PKD1L1: variants seen among roughly 807,000 people sequenced by gnomAD.
The protein encoded by PKD1L1 is polycystin-1-like protein 1.
In PKD1L1, 236 loss-of-function variants were observed where a neutral mutation model predicts 323.4. That is an observed-to-expected ratio of 0.73 (90% CI 0.66 to 0.81). PKD1L1 has a LOEUF of 0.81. PKD1L1 is among the 40% of genes least tolerant of loss of function. The pLI is 0.00. For synonymous variants in PKD1L1, 1,344 were observed against 1,335.0 expected (o/e 1.01, Z -0.15); for missense variants, 3,320 against 3,508.0 (o/e 0.95, Z 1.35).
intron 56 of PKD1L1, among the ~76,000 whole-genome samples, chr7:47,790,148 C>A (rs139883520): frequency 1.3e-5 from 2 of 151,844 alleles, no homozygotes; most frequent in African/African-American, 4.8e-5. Flanking sequence ...CTAGGCCTCC[C>A]GAAGTGCTAT....
rs1583605034 is a variant in PKD1L1, at chr7:47,833,016, T to A, written c.6337+74A>T. On this transcript the variant is annotated intron_variant, in intron 41 of 56. Transcript: ENST00000289672. ...CATTTGGCCCAATTGTGACTCTGCT[T>A]GCCCTGCCTCTCCCAATGGCTGCAG... 1.1e-5 allele frequency: 17 copies of A among 1,507,042 alleles called. No homozygotes were observed. The East Asian group carries it at 1.9e-4, about 17-fold the overall frequency. 93.4% of individuals were successfully genotyped at this position (1,507,042 alleles called of 1,614,324 possible). A position where few individuals can be genotyped will look rare whatever the true frequency, so the allele number is the denominator to read the frequency against.
chr7:47,808,575 C>T (rs568524448), intron 51 of PKD1L1, among the ~76,000 whole-genome samples, 188 bp from the exon 52 acceptor site: 7 of 152,298 alleles, frequency 4.6e-5, no homozygotes, highest in African/African-American at 7.2e-5. Context: ...CAAACATAGA[C>T]AGTCCCACAC....
Position 47,872,810 on chromosome 7 carries a change from T to C in PKD1L1, c.3896+1089A>G, listed in dbSNP as rs189388665. Among the ~76,000 whole-genome samples, 246 of 152,344 alleles carry C rather than the reference T, an allele frequency of 1.6e-3. 1 individual carries two copies. The highest frequency in any genetic ancestry group is 3.1e-3 in the Non-Finnish European group (212 of 68,028). ...CATAGGACACTGTTTCCATTCCTAG[T>C]TACCTACCCAAGGAAAATGAAACCA... On this transcript the variant is annotated intron_variant, in intron 24 of 56. Coordinates refer to ENST00000289672, the MANE Select transcript of PKD1L1 (RefSeq NM_138295.5).
intron 31 of PKD1L1, among the ~76,000 whole-genome samples, chr7:47,848,800 C>T (rs1350833272): frequency 6.6e-6 from 1 of 151,952 alleles, no homozygotes; most frequent in East Asian, 1.9e-4. Context: ...AGTGAAACTC[C>T]AGTCTCAAAA....
intron 13 of PKD1L1, among the ~76,000 whole-genome samples, chr7:47,898,908 AAAG>A (rs1787018262): frequency 6.6e-6 from 1 of 152,092 alleles, no homozygotes; most frequent in South Asian, 2.1e-4. Flanking sequence ...TAAAAAAAAA[AAAG>A]GAGAGAGGAG....
At chr7:47,872,004 A>G (rs1351363682) in intron 24 of PKD1L1, among the ~76,000 whole-genome samples, 1 of 152,232 alleles carries the variant, frequency 6.6e-6, no homozygotes, top group Non-Finnish European at 1.5e-5. Flanking sequence ...GACAGATGAC[A>G]TGATCTTATA....
At chr7:47,812,555 T>C (rs187726747) in intron 49 of PKD1L1, among the ~76,000 whole-genome samples, 229 of 152,274 alleles carry the variant, frequency 1.5e-3, no homozygotes, top group African/African-American at 5.3e-3. Flanking sequence ...TCCCCGTTGC[T>C]CTAAGACCAT....
intron 30 of PKD1L1, among the ~76,000 whole-genome samples, chr7:47,854,388 G>T (rs950456610): frequency 6.6e-6 from 1 of 151,990 alleles, no homozygotes; most frequent in African/African-American, 2.4e-5. Context: ...TAGCACATTT[G>T]CTGTAGAATT....
At chr7:47,949,300 C>T (rs1370797971), upstream of PKD1L1, among the ~76,000 whole-genome samples, 1 of 133,992 alleles carries the variant, frequency 7.5e-6, no homozygotes, top group Non-Finnish European at 1.5e-5. Context: ...AACCGAGAGG[C>T]GGAGGTTGCA....
At position 47,936,835 on chromosome 7, in the gene PKD1L1, C is replaced by T. The variant is rs753528730; in HGVS notation, c.398+11G>A. The T allele has an allele frequency of 6.4e-7, 1 of 1,574,792 alleles. No individual in the cohort carries two copies. Among genetic ancestry groups the T allele is most frequent in the Non-Finnish European group, 8.7e-7 (1 of 1,152,692 alleles). ...AGAAAAGCAATATTTCGCCATGGTA[C>T]ATTGACATACCTATCAGCACTGTTA... On this transcript the variant is annotated intron_variant, in intron 4 of 56. Coordinates refer to ENST00000289672, the MANE Select transcript of PKD1L1 (RefSeq NM_138295.5).
Position 47,890,723 on chromosome 7 carries a change from G to A in PKD1L1, c.2494C>T (p.Pro832Ser), listed in dbSNP as rs1261435565. The change falls in exon 16 of 57, where the codon CCC becomes TCC. Residue 832 changes from proline (P) to serine (S), a missense_variant. Coordinates refer to ENST00000289672, the MANE Select transcript of PKD1L1 (RefSeq NM_138295.5). ...ECATAGSPAH[P>S]CFDSSTAHQL... ...TGTGCAGTGGAGGAGTCGAAGCAGG[G>A]ATGTGCTGGGGAGCCAGCGGTGGCG... 1.2e-6 allele frequency: 2 copies of A among 1,612,992 alleles called. No individual in the cohort carries two copies.
At chr7:47,804,326 C>T (rs933434561) in intron 52 of PKD1L1, among the ~76,000 whole-genome samples, 96 of 151,928 alleles carry the variant, frequency 6.3e-4, no homozygotes, top group African/African-American at 2.3e-3. Context: ...TTTCTAGTAG[C>T]CATGTTTTAA....
chr7:47,827,287 G>GAA, intron 45 of PKD1L1, 63 bp downstream of exon 45: 1 of 1,373,980 alleles, frequency 7.3e-7, no homozygotes, highest in South Asian at 1.3e-5. Flanking sequence ...GCGGCAGTGG[G>GAA]GTACTCCCTC....
In PKD1L1 at chr7:47,792,748, T is replaced by C. The variant is rs768387816; in HGVS notation, c.8405A>G (p.Lys2802Arg). The C allele has an allele frequency of 4.9e-5, 79 of 1,613,960 alleles. No individual in the cohort carries two copies. The highest frequency in any genetic ancestry group is 4.0e-5 in the Non-Finnish European group (47 of 1,179,998). ...TAGGCTGTCGGACAAACCATTAATC[T>C]TCATCAGAAGTTCGTCTAACAGATT... ...FANLLDELLM[K>R]INGLSDSLQL... The change falls in exon 56 of 57, where the codon AAG (lysine) becomes AGG (arginine). Residue 2802 changes from lysine (K) to arginine (R), a missense_variant. Coordinates refer to ENST00000289672, the MANE Select transcript of PKD1L1 (RefSeq NM_138295.5).
rs747293919 is a variant in PKD1L1 at position 47,905,960 on chromosome 7, T to C, written c.1405A>G (p.Thr469Ala). The C allele has an allele frequency of 1.3e-6, 2 of 1,584,986 alleles. No individual in the cohort carries two copies. The highest frequency in any genetic ancestry group is 1.2e-5 in the South Asian group (1 of 86,056). ...GATGGAAAGTGATGTATAACCACAGTGCCTAAAATGAGAAAAAAAGGAGAT... is the reference window on the plus strand; with the variant it reads ...GATGGAAAGTGATGTATAACCACAGCGCCTAAAATGAGAAAAAAAGGAGAT... ...FADSQVNQKSTVVIHHFPSIP... is the reference protein window; with the variant it reads ...FADSQVNQKSAVVIHHFPSIP... Residue 469 changes from threonine (T) to alanine (A), a missense_variant and splice_region_variant, in exon 10 of 57, where the codon ACT becomes GCT. Thr to Ala is a moderately conservative substitution (Grantham distance 58). Coordinates refer to ENST00000289672, the MANE Select transcript of PKD1L1 (RefSeq NM_138295.5).
At chr7:47,924,936 C>G (rs1186413472) in intron 7 of PKD1L1, among the ~76,000 whole-genome samples, 3 of 152,050 alleles carry the variant, frequency 2.0e-5, no homozygotes, top group Non-Finnish European at 4.4e-5. Context: ...CTGGAGAGGT[C>G]AAATTGGAAA....
At chr7:47,902,025 A>T (rs1449648929) in intron 13 of PKD1L1, among the ~76,000 whole-genome samples, 1 of 149,522 alleles carries the variant, frequency 6.7e-6, no homozygotes, top group African/African-American at 2.5e-5. Flanking sequence ...AAAAGAAAGG[A>T]AAGGAAAGGA....
Position 47,796,004 on chromosome 7 carries a change from C to G in PKD1L1, c.8340G>C (p.Glu2780Asp). 6.2e-7 allele frequency: 1 copy of G among 1,613,454 alleles called. No homozygotes were observed. The highest frequency in any genetic ancestry group is 2.2e-5 in the East Asian group (1 of 44,868). The stretch of plus-strand genomic sequence containing the variant: ...CACAGCTTACGTGATTCTCAACCAT[C>G]TCAGCCTCTTCCAACTTTGGTGTTT... ...RLETPKLEEA[E>D]MVENHNYYLD... is the part of the protein sequence containing the mutation. The change falls in exon 55 of 57, where the codon GAG becomes GAC. Residue 2780 changes from glutamate (E) to aspartate (D), a missense_variant. Transcript: ENST00000289672.
intron 52 of PKD1L1, among the ~76,000 whole-genome samples, chr7:47,807,941 C>T (rs1207698664): frequency 6.6e-6 from 1 of 152,138 alleles, no homozygotes; most frequent in Admixed American, 6.5e-5. Flanking sequence ...CGCTAGCCTC[C>T]TTCCTCCATG....
Sources: allele counts gnomAD v4.1 joint callset (sites outside exome capture counted in the v4.1 genomes callset), GRCh38; gene constraint gnomAD v4.1.1; transcripts MANE v1.5; gene names NCBI Gene and HGNC (gene_info 2026-07-23, HGNC 2026-07-21).